Variants in EYS observed in about 807,000 individuals in gnomAD.
EYS encodes the protein EGF-like photoreceptor maintenance factor.
A neutral mutation model predicts 282.1 loss-of-function variants in EYS; 250 were observed. That is an observed-to-expected ratio of 0.89 (90% CI 0.80 to 0.98). The LOEUF is 0.98. Ranked by LOEUF, EYS falls within the 50% of genes least tolerant of loss-of-function variation. The probability of loss-of-function intolerance (pLI) is 0.00; values close to 1 mark genes in which losing one functional copy is unlikely to be tolerated. For synonymous variants in EYS, 1,355 were observed against 1,282.9 expected, an observed-to-expected ratio of 1.06 and a Z score of -1.20; for missense variants, 4,016 against 3,709.0, an observed-to-expected ratio of 1.08 and a Z score of -2.15.
At chr6:65,154,229 A>C (rs575850538) in intron 12 of EYS, among the ~76,000 whole-genome samples, 1 of 151,850 alleles carries the variant, frequency 6.6e-6, no homozygotes, top group African/African-American at 2.4e-5. Context: ...GCATTTAAGG[A>C]AATAGAAAAT....
At chr6:64,823,942 T>C (rs1186520134) in intron 19 of EYS, among the ~76,000 whole-genome samples, 2 of 151,912 alleles carry the variant, frequency 1.3e-5, no homozygotes, top group African/African-American at 2.4e-5. Context: ...AGTAATAAGC[T>C]TATTACAGTG....
intron 31 of EYS, among the ~76,000 whole-genome samples, chr6:64,146,640 A>C (rs191035552): frequency 5.5e-4 from 84 of 152,254 alleles, no homozygotes; most frequent in Middle Eastern, 3.4e-3. Flanking sequence ...GCTTCTCAAA[A>C]TCAGTCTAAA....
chr6:64,934,036 G>A (rs1213469838), intron 15 of EYS, among the ~76,000 whole-genome samples: 1 of 151,888 alleles, frequency 6.6e-6, no homozygotes, highest in African/African-American at 2.4e-5. Context: ...ATGATGGGTT[G>A]ATGGGTGCAG....
At chr6:65,229,807 A>G (rs908236312) in intron 12 of EYS, among the ~76,000 whole-genome samples, 4 of 151,994 alleles carry the variant, frequency 2.6e-5, no homozygotes, top group African/African-American at 7.2e-5. Flanking sequence ...TGCTGTGTCC[A>G]TTTTAGATAT....
At chr6:64,533,364 A>G (rs2149794702) in intron 26 of EYS, among the ~76,000 whole-genome samples, 1 of 152,254 alleles carries the variant, frequency 6.6e-6, no homozygotes, top group Non-Finnish European at 1.5e-5. Flanking sequence ...AAGCCAGCAA[A>G]CTACAAACAA....
At chr6:64,820,423 G>T (rs1196613480) in intron 21 of EYS, among the ~76,000 whole-genome samples, 1 of 151,888 alleles carries the variant, frequency 6.6e-6, no homozygotes, top group Non-Finnish European at 1.5e-5. Context: ...TAAGAAATAT[G>T]GTTTTAGACA....
intron 22 of EYS, among the ~76,000 whole-genome samples, chr6:64,636,231 C>T (rs1030835686): frequency 1.3e-5 from 2 of 152,058 alleles, no homozygotes; most frequent in South Asian, 4.2e-4. Flanking sequence ...GGTACTAGTA[C>T]CAAAACAGAG....
chr6:65,104,598 G>T (rs1306400608), intron 12 of EYS, among the ~76,000 whole-genome samples: 6 of 151,294 alleles, frequency 4.0e-5, no homozygotes, highest in African/African-American at 1.2e-4. Context: ...TTTCTTAAAT[G>T]CCCAGTTCCA....
chr6:64,284,756 A>G (rs547490819), intron 30 of EYS, among the ~76,000 whole-genome samples: 3 of 152,096 alleles, frequency 2.0e-5, no homozygotes, highest in Non-Finnish European at 4.4e-5. Context: ...CGCATGCTCA[A>G]CACAACCTGG....
intron 2 of EYS, among the ~76,000 whole-genome samples, chr6:65,522,634 A>C (rs988968681): frequency 7.9e-5 from 12 of 152,184 alleles, no homozygotes; most frequent in African/African-American, 2.9e-4. Context: ...AAGAATTTCA[A>C]TGCAATTTTG....
intron 1 of EYS, among the ~76,000 whole-genome samples, chr6:65,641,071 C>T (rs1767259637): frequency 6.6e-6 from 1 of 152,096 alleles, no homozygotes; most frequent in Admixed American, 6.5e-5. Flanking sequence ...ACAGTGTAAA[C>T]TTAGCTTAGC....
intron 12 of EYS, among the ~76,000 whole-genome samples, chr6:65,207,935 G>T (rs182973913): frequency 6.6e-6 from 1 of 151,516 alleles, no homozygotes; most frequent in Non-Finnish European, 1.5e-5. Flanking sequence ...AGAAAACCTA[G>T]GAAAACCACA....
intron 32 of EYS, among the ~76,000 whole-genome samples, chr6:64,066,883 G>A (rs1562182977): frequency 2.6e-5 from 4 of 151,960 alleles, no homozygotes; most frequent in African/African-American, 9.6e-5. Flanking sequence ...TTAATAACTT[G>A]TATTATTATT....
intron 7 of EYS, among the ~76,000 whole-genome samples, chr6:65,389,635 T>C (rs1410003743): frequency 1.3e-5 from 2 of 152,104 alleles, no homozygotes; most frequent in East Asian, 3.9e-4. Flanking sequence ...TGGGAGGGTT[T>C]AAAGGATTTG....
At chr6:65,579,378 T>C (rs1222289776) in intron 2 of EYS, among the ~76,000 whole-genome samples, 1 of 152,094 alleles carries the variant, frequency 6.6e-6, no homozygotes, top group African/African-American at 2.4e-5. Context: ...GTACAGAAAA[T>C]ACATATATTT....
At chr6:65,197,590 G>T (rs575315362) in intron 12 of EYS, among the ~76,000 whole-genome samples, 2 of 152,084 alleles carry the variant, frequency 1.3e-5, no homozygotes, top group African/African-American at 4.8e-5. Flanking sequence ...TAACAAGGGG[G>T]TATGTTCTGA....
At chr6:64,886,921 T>C in intron 18 of EYS, 79 bp from the exon 19 acceptor site, 3 of 873,064 alleles carry the variant, frequency 3.4e-6, no homozygotes, top group Non-Finnish European at 5.0e-6. Flanking sequence ...ATTTATATTT[T>C]AAATTCAAGA....
chr6:65,609,398 A>G (rs909716965), intron 2 of EYS, among the ~76,000 whole-genome samples: 7 of 151,992 alleles, frequency 4.6e-5, no homozygotes, highest in Non-Finnish European at 2.9e-5. Flanking sequence ...TTTTAAAATT[A>G]CATGAATCTT....
intron 14 of EYS, among the ~76,000 whole-genome samples, chr6:64,948,418 C>T (rs1403576241): frequency 2.1e-5 from 3 of 145,508 alleles, no homozygotes; most frequent in Non-Finnish European, 4.5e-5. Context: ...AATACAGTGG[C>T]CAGAATAGTA....
Sources: gnomAD v4.1 joint callset for allele counts (sites outside exome capture counted in the v4.1 genomes callset) on GRCh38, gnomAD v4.1.1 for gene constraint, MANE v1.5 for transcripts, NCBI Gene and HGNC (gene_info 2026-07-23, HGNC 2026-07-21) for gene names.